GTF2B: variants seen among roughly 807,000 people sequenced by gnomAD.
GTF2B encodes the protein transcription initiation factor IIB.
GTF2B carries 20 observed loss-of-function variants against 34.6 expected under a neutral mutation model. The observed-to-expected ratio is 0.58, with a 90% CI of 0.41 to 0.84. GTF2B has a LOEUF of 0.84. GTF2B is among the 40% of genes least tolerant of loss of function. GTF2B has a pLI of 0.00. For synonymous variants in GTF2B, 142 were observed against 132.4 expected (o/e 1.07, Z -0.50); for missense variants, 237 against 393.3 (o/e 0.60, Z 3.36).
intron 1 of GTF2B, among the ~76,000 whole-genome samples, chr1:88,890,287 A>G (rs1174309778): frequency 6.6e-6 from 1 of 152,218 alleles, no homozygotes; most frequent in Non-Finnish European, 1.5e-5. Flanking sequence ...TGAGCATCCA[A>G]TCCAAGAATC....
intron 2 of GTF2B, among the ~76,000 whole-genome samples, chr1:88,867,799 T>C (rs1013222728): frequency 1.3e-5 from 2 of 148,684 alleles, no homozygotes; most frequent in African/African-American, 2.6e-5. Context: ...GGATTTTTTA[T>C]TTTTTTTAAA....
In GTF2B at chr1:88,876,026, A is replaced by T. The variant is rs570697349; in HGVS notation, c.124+11235T>A. Among the ~76,000 whole-genome samples the T allele has an allele frequency of 2.7e-5, 4 of 150,354 alleles. No homozygotes were observed. The East Asian group carries it at 7.9e-4, about 30-fold the overall frequency. On this transcript the variant is annotated intron_variant, in intron 2 of 6. Transcript: ENST00000370500. ...CAGTCTGCTACTCAAGCAGTTAATGAGTAATTTTTTGATGTTTAAGAGAAA... is the reference window on the plus strand; with the variant it reads ...CAGTCTGCTACTCAAGCAGTTAATGTGTAATTTTTTGATGTTTAAGAGAAA...
intron 2 of GTF2B, among the ~76,000 whole-genome samples, 198 bp from the exon 3 acceptor site, chr1:88,864,312 T>C (rs142010551): frequency 6.6e-6 from 1 of 152,290 alleles, no homozygotes; most frequent in African/African-American, 2.4e-5. Context: ...ATAATCCTCT[T>C]GAAACATTAT....
At chr1:88,875,913 C>G (rs1322029730) in intron 2 of GTF2B, among the ~76,000 whole-genome samples, 1 of 152,110 alleles carries the variant, frequency 6.6e-6, no homozygotes. Flanking sequence ...CTCTGTCACT[C>G]AGAAGATGGG....
rs972475564 is a variant in GTF2B, at chr1:88,888,733, A to G, written c.18-1366T>C. 2.2e-4 allele frequency among the ~76,000 whole-genome samples: 33 copies of G among 152,252 alleles called. 1 individual carries two copies. The highest frequency in any genetic ancestry group is 1.6e-3 in the Admixed American group (25 of 15,286). ...AAGGTAGAAAACCTATACAAAGCTG[A>G]AAAGTATGAACTAACCATACACCAT... On this transcript the variant is annotated intron_variant, in intron 1 of 6. Coordinates refer to ENST00000370500, the MANE Select transcript of GTF2B (RefSeq NM_001514.6).
At position 88,857,691 on chromosome 1, in the gene GTF2B, C is replaced by CTTT. The variant is rs368010048; in HGVS notation, c.536-207_536-205dup. Among the ~76,000 whole-genome samples, 976 of 108,150 alleles carry CTTT rather than the reference C, an allele frequency of 9.0e-3. 41 individuals carry two copies. The highest frequency in any genetic ancestry group is 0.029 in the African/African-American group (815 of 27,904). The allele number at this position is 108,150 out of a possible 152,430, so 71.0% of individuals were successfully genotyped here. ...CAGTTAACTTTAATGTTCATCACAC[C>CTTT]TTTTTTTTTGAGATGAAGTCTCACT... On this transcript the variant is annotated intron_variant, in intron 5 of 6. Transcript: ENST00000370500.
At chr1:88,883,230 CA>C (rs1570736092) in intron 2 of GTF2B, among the ~76,000 whole-genome samples, 1 of 152,282 alleles carries the variant, frequency 6.6e-6, no homozygotes, top group East Asian at 1.9e-4. Context: ...AGCTAATTTT[CA>C]AAACCATCCA....
At chr1:88,877,283 T>C (rs1000528897) in intron 2 of GTF2B, among the ~76,000 whole-genome samples, 3 of 152,220 alleles carry the variant, frequency 2.0e-5, no homozygotes, top group African/African-American at 7.2e-5. Context: ...CTAAGCTATT[T>C]TCCAGTATTT....
At chr1:88,857,950 G>A (rs1035623631) in intron 5 of GTF2B, among the ~76,000 whole-genome samples, 1 of 151,840 alleles carries the variant, frequency 6.6e-6, no homozygotes, top group African/African-American at 2.4e-5. Context: ...CCAAAGTGCT[G>A]AGATTACAGG....
rs959099533 is a variant in GTF2B at position 88,874,154 on chromosome 1, T to C, written c.125-10040A>G. ...CAACCAAAGGTATTTCATAGCGCAA[T>C]GTGAAAACCAGAAGGGCTTATCGTG... On this transcript the variant is annotated intron_variant, in intron 2 of 6. Transcript: ENST00000370500. Among the ~76,000 whole-genome samples, 11 of 152,222 alleles carry C rather than the reference T, an allele frequency of 7.2e-5. No individual in the cohort carries two copies. The East Asian group carries it at 1.9e-3, about 27-fold the overall frequency.
At chr1:88,869,616 G>C (rs1673641957) in intron 2 of GTF2B, among the ~76,000 whole-genome samples, 2 of 152,154 alleles carry the variant, frequency 1.3e-5, no homozygotes, top group African/African-American at 4.8e-5. Flanking sequence ...ATTGGCAAGT[G>C]GCATAAAATG....
At chr1:88,873,337 GCAC>G (rs1673743633) in intron 2 of GTF2B, among the ~76,000 whole-genome samples, 2 of 151,674 alleles carry the variant, frequency 1.3e-5, no homozygotes, top group South Asian at 4.2e-4. Flanking sequence ...TAACAGGCGC[GCAC>G]CACCACGCCA....
chr1:88,865,175 T>C (rs948394443), intron 2 of GTF2B, among the ~76,000 whole-genome samples: 1 of 152,236 alleles, frequency 6.6e-6, no homozygotes, highest in African/African-American at 2.4e-5. Flanking sequence ...TGCCCTTTGC[T>C]GCTTAGCCTT....
At position 88,885,698 on chromosome 1, in the gene GTF2B, C is replaced by T. The variant is rs181748788; in HGVS notation, c.124+1563G>A. ...CCGGGAGGCGGAGGTTGTGGTGAACCGAGATCACGCCATTGCACTCCAGCC... is the reference window on the plus strand; with the variant it reads ...CCGGGAGGCGGAGGTTGTGGTGAACTGAGATCACGCCATTGCACTCCAGCC... On this transcript the variant is annotated intron_variant, in intron 2 of 6. Transcript: ENST00000370500. 7.4e-3 allele frequency among the ~76,000 whole-genome samples: 1,120 copies of T among 150,956 alleles called. 14 individuals are homozygous for T. Among genetic ancestry groups the T allele is most frequent in the African/African-American group, 0.025 (1,045 of 41,056 alleles).
chr1:88,862,997 A>T (rs1318671792), intron 3 of GTF2B, among the ~76,000 whole-genome samples: 1 of 152,000 alleles, frequency 6.6e-6, no homozygotes, highest in Non-Finnish European at 1.5e-5. Flanking sequence ...AATAGTATAC[A>T]TGAAGTTATA....
intron 1 of GTF2B, among the ~76,000 whole-genome samples, chr1:88,889,141 C>T (rs1674139593): frequency 6.6e-6 from 1 of 152,126 alleles, no homozygotes; most frequent in Non-Finnish European, 1.5e-5. Context: ...TAGGAAAACA[C>T]CAAGAGACTA....
At chr1:88,859,727 T>G (rs1673392991) in intron 5 of GTF2B, among the ~76,000 whole-genome samples, 155 bp downstream of exon 5, 1 of 152,082 alleles carries the variant, frequency 6.6e-6, no homozygotes, top group Non-Finnish European at 1.5e-5. Context: ...TCCCAGCTAC[T>G]CAGGAGGCTG....
intron 1 of GTF2B, among the ~76,000 whole-genome samples, chr1:88,891,108 G>T (rs1391781964): frequency 2.0e-5 from 1 of 51,062 alleles, no homozygotes; most frequent in African/African-American, 8.3e-5. Context: ...GGCCGTAGAT[G>T]AAAAAAACAA....
At chr1:88,873,761 T>C (rs1673752702) in intron 2 of GTF2B, among the ~76,000 whole-genome samples, 1 of 152,184 alleles carries the variant, frequency 6.6e-6, no homozygotes, top group African/African-American at 2.4e-5. Flanking sequence ...AAAGTAAGGA[T>C]ACATCTTTTC....
Sources: allele counts gnomAD v4.1 joint callset (sites outside exome capture counted in the v4.1 genomes callset), GRCh38; gene constraint gnomAD v4.1.1; transcripts MANE v1.5; gene names NCBI Gene and HGNC (gene_info 2026-07-23, HGNC 2026-07-21).